Variants in PACRG observed in about 807,000 individuals in gnomAD.
PACRG encodes the protein parkin coregulated.
Under a neutral mutation model 29.7 loss-of-function variants are expected in PACRG, and 29 were observed. The ratio of observed to expected loss-of-function variants is 0.98; its 90% CI spans 0.73 to 1.33. The LOEUF is 1.33. PACRG is among the 40% of genes most tolerant of loss of function. The pLI, the probability that PACRG is intolerant of heterozygous loss-of-function variation, is 0.00. For synonymous variants in PACRG, 116 were observed against 118.7 expected (o/e 0.98, Z 0.15); for missense variants, 279 against 316.2 (o/e 0.88, Z 0.89).
intron 2 of PACRG, among the ~76,000 whole-genome samples, chr6:162,846,096 C>A (rs117747481): frequency 1.4e-4 from 22 of 152,188 alleles, no homozygotes; most frequent in Non-Finnish European, 2.9e-4. Flanking sequence ...GGAAGCTGGA[C>A]GGAAACACTG....
intron 4 of PACRG, among the ~76,000 whole-genome samples, chr6:163,106,991 T>C (rs1815417762): frequency 2.0e-5 from 3 of 152,006 alleles, no homozygotes; most frequent in Admixed American, 2.0e-4. Flanking sequence ...GGAAGATGAG[T>C]TGCAAATAAT....
intron 4 of PACRG, among the ~76,000 whole-genome samples, chr6:163,164,777 A>C (rs1778719465): frequency 6.6e-6 from 1 of 152,192 alleles, no homozygotes; most frequent in Admixed American, 6.5e-5. Context: ...AGAGACAGAA[A>C]CCTAGATTTA....
intron 1 of PACRG, among the ~76,000 whole-genome samples, chr6:162,807,570 C>T (rs1393229291): frequency 1.3e-5 from 2 of 152,130 alleles, no homozygotes; most frequent in Non-Finnish European, 2.9e-5. Flanking sequence ...GCAGTTAGAA[C>T]ACAAACATTT....
intron 2 of PACRG, among the ~76,000 whole-genome samples, chr6:162,961,552 C>G (rs1283448778): frequency 2.0e-5 from 3 of 152,100 alleles, no homozygotes; most frequent in African/African-American, 7.2e-5. Flanking sequence ...AATCTAGTAC[C>G]AAAGTCTTCA....
intron 1 of PACRG, among the ~76,000 whole-genome samples, chr6:162,764,870 A>C (rs1268740765): frequency 6.6e-6 from 1 of 151,208 alleles, no homozygotes; most frequent in African/African-American, 2.4e-5. Flanking sequence ...CAGCCTCCCT[A>C]GTAGCTGGGA....
At chr6:163,232,556 A>G (rs1421686168) in intron 4 of PACRG, among the ~76,000 whole-genome samples, 1 of 152,152 alleles carries the variant, frequency 6.6e-6, no homozygotes, top group Non-Finnish European at 1.5e-5. Flanking sequence ...AGCAGAGATG[A>G]GAAGGGGCAG....
chr6:162,885,741 CAT>C (rs972266101), intron 2 of PACRG, among the ~76,000 whole-genome samples: 3 of 151,856 alleles, frequency 2.0e-5, no homozygotes, highest in Admixed American at 6.6e-5. Flanking sequence ...AGTTGACTTG[CAT>C]GTGTGTGTGT....
At chr6:163,189,944 G>A (rs1221872538) in intron 4 of PACRG, 1 of 152,198 alleles carries the variant, frequency 6.6e-6, no homozygotes, top group East Asian at 1.9e-4. Context: ...ATTTCTATAA[G>A]CTAGGTCTGG....
Position 163,210,287 on chromosome 6 carries a change from A to G in PACRG, c.614-104540A>G, listed in dbSNP as rs1781081955. 2.0e-5 allele frequency among the ~76,000 whole-genome samples: 3 copies of G among 152,270 alleles called. 1 individual carries two copies. The South Asian group carries it at 6.2e-4, about 32-fold the overall frequency. On this transcript the variant is annotated intron_variant, in intron 4 of 4. Transcript: ENST00000366888. ...AGCATTTATAGAACTATCAAAGTTT[A>G]GATATTGTAATACCAATGTGTAATC...
intron 4 of PACRG, among the ~76,000 whole-genome samples, chr6:163,298,873 G>A (rs1784881826): frequency 6.6e-6 from 1 of 152,124 alleles, no homozygotes; most frequent in Non-Finnish European, 1.5e-5. Context: ...TTTCTCCCAA[G>A]CCGACTTCTC....
chr6:163,127,394 T>G (rs1450975916), intron 4 of PACRG, among the ~76,000 whole-genome samples: 2 of 152,236 alleles, frequency 1.3e-5, no homozygotes, highest in African/African-American at 4.8e-5. Flanking sequence ...ATTTTGTCAG[T>G]TAATATTGCC....
intron 1 of PACRG, among the ~76,000 whole-genome samples, chr6:162,783,664 G>A (rs1168519764): frequency 1.3e-5 from 2 of 151,772 alleles, no homozygotes; most frequent in African/African-American, 4.8e-5. Flanking sequence ...AATTATTCTT[G>A]TACTTACATC....
At chr6:162,948,571 A>G (rs1408263631) in intron 2 of PACRG, among the ~76,000 whole-genome samples, 6 of 152,206 alleles carry the variant, frequency 3.9e-5, no homozygotes, top group Non-Finnish European at 7.4e-5. Flanking sequence ...TCTACACAGC[A>G]AAGGACACAA....
At chr6:162,838,367 A>C (rs1259169865) in intron 2 of PACRG, among the ~76,000 whole-genome samples, 2 of 152,132 alleles carry the variant, frequency 1.3e-5, no homozygotes, top group East Asian at 3.9e-4. Flanking sequence ...GGAGGAGAAC[A>C]TGTAGGCTAA....
chr6:163,100,047 C>T (rs1176063625), intron 4 of PACRG, among the ~76,000 whole-genome samples: 1 of 152,094 alleles, frequency 6.6e-6, no homozygotes, highest in Non-Finnish European at 1.5e-5. Context: ...TTCCCCGCCG[C>T]TGAGGTCAGG....
chr6:163,182,273 T>A (rs2763993), intron 4 of PACRG, among the ~76,000 whole-genome samples: 1 of 152,188 alleles, frequency 6.6e-6, no homozygotes, highest in African/African-American at 2.4e-5. Flanking sequence ...ATAAAATCAG[T>A]TGATGGATGA....
At chr6:163,101,867 G>A (rs1815110226) in intron 4 of PACRG, among the ~76,000 whole-genome samples, 1 of 152,148 alleles carries the variant, frequency 6.6e-6, no homozygotes, top group East Asian at 1.9e-4. Context: ...TCTTTTTTCG[G>A]GGGGAATGCC....
intron 1 of PACRG, among the ~76,000 whole-genome samples, chr6:162,743,506 A>G (rs570412284): frequency 1.3e-5 from 2 of 152,166 alleles, no homozygotes; most frequent in South Asian, 2.1e-4. Flanking sequence ...TAATTTATTA[A>G]TGTTTTTTCC....
chr6:163,193,268 T>C (rs1780298721), intron 4 of PACRG, among the ~76,000 whole-genome samples: 1 of 152,204 alleles, frequency 6.6e-6, no homozygotes, highest in African/African-American at 2.4e-5. Flanking sequence ...ATCATTTCCA[T>C]AAGGCTTCAC....
Sources: allele counts gnomAD v4.1 joint callset (sites outside exome capture counted in the v4.1 genomes callset), GRCh38; gene constraint gnomAD v4.1.1; transcripts MANE v1.5; gene names NCBI Gene and HGNC (gene_info 2026-07-23, HGNC 2026-07-21).